Variants in DNAAF11 observed in about 807,000 individuals in gnomAD.
DNAAF11 encodes leucine rich repeat containing 6.
In DNAAF11, 45 loss-of-function variants were observed where a neutral mutation model predicts 60.8. That is an observed-to-expected ratio of 0.74 (90% CI 0.58 to 0.95). The LOEUF is 0.95. Among genes scored for constraint, DNAAF11 ranks in the 40% least tolerant of loss-of-function variants. The pLI, the probability that DNAAF11 is intolerant of heterozygous loss-of-function variation, is 0.00. For synonymous variants in DNAAF11, 191 were observed against 183.5 expected (o/e 1.04, Z -0.33); for missense variants, 546 against 546.2 (o/e 1.00, Z 0.00).
chr8:132,571,999 A>G lies in DNAAF11; in HGVS notation c.*307T>C, dbSNP rs1814239036. ...TAATACTCAGTCCTTTTATCTATGA[A>G]TTAATACTTTGCATAAGTAGACAGT... is the stretch of plus-strand genomic sequence containing the variant. On this transcript the variant is annotated 3_prime_UTR_variant, in exon 12 of 12. Transcript: ENST00000620350. 4.3e-6 allele frequency: 1 copy of G among 234,822 alleles called. No individual in the cohort carries two copies. Among genetic ancestry groups the G allele is most frequent in the African/African-American group, 2.2e-5 (1 of 44,638 alleles). 14.5% of individuals were successfully genotyped at this position (234,822 alleles called of 1,614,324 possible).
At chr8:132,663,703 T>C (rs1824350308) in intron 1 of DNAAF11, among the ~76,000 whole-genome samples, 1 of 152,180 alleles carries the variant, frequency 6.6e-6, no homozygotes, top group Admixed American at 6.6e-5. Context: ...AGCCCAAGTC[T>C]TCCTCTCTAG....
intron 4 of DNAAF11, among the ~76,000 whole-genome samples, chr8:132,633,190 A>G (rs1389631704): frequency 6.6e-6 from 1 of 152,142 alleles, no homozygotes; most frequent in Non-Finnish European, 1.5e-5. Context: ...TAGGTCTGTT[A>G]AAACTGATAA....
intron 11 of DNAAF11, among the ~76,000 whole-genome samples, chr8:132,575,297 G>A (rs993272953): frequency 1.3e-5 from 2 of 152,174 alleles, no homozygotes; most frequent in Non-Finnish European, 2.9e-5. Context: ...TCCATGTAAA[G>A]GACGTAGAGA....
chr8:132,626,488 G>C (rs562380538), intron 5 of DNAAF11, among the ~76,000 whole-genome samples: 1 of 152,214 alleles, frequency 6.6e-6, no homozygotes, highest in Non-Finnish European at 1.5e-5. Flanking sequence ...CAACGTCTCT[G>C]TATGTCATCA....
chr8:132,635,967 C>A (rs1355341263), intron 4 of DNAAF11, among the ~76,000 whole-genome samples: 1 of 151,956 alleles, frequency 6.6e-6, no homozygotes, highest in African/African-American at 2.4e-5. Flanking sequence ...GCAGATTCTC[C>A]CTCGCAGCCC....
At chr8:132,673,272 A>T (rs1489171976) in intron 1 of DNAAF11, among the ~76,000 whole-genome samples, 2 of 152,162 alleles carry the variant, frequency 1.3e-5, no homozygotes, top group African/African-American at 4.8e-5. Flanking sequence ...CCAAAGAAAT[A>T]GAGATGTCAG....
chr8:132,698,206 G>A, the DNAAF11 span, among the ~76,000 whole-genome samples: 17 of 152,138 alleles, frequency 1.1e-4, no homozygotes, highest in African/African-American at 3.4e-4. Context: ...ACTAGAGTAA[G>A]TATGCACAAA....
intron 10 of DNAAF11, among the ~76,000 whole-genome samples, chr8:132,592,963 T>C (rs1264226081): frequency 1.3e-5 from 2 of 151,864 alleles, no homozygotes; most frequent in African/African-American, 4.8e-5. Flanking sequence ...TAAAAGTCCG[T>C]CATATTTAGG....
At chr8:132,690,416 G>A in the DNAAF11 span, among the ~76,000 whole-genome samples, 5 of 152,248 alleles carry the variant, frequency 3.3e-5, no homozygotes, top group African/African-American at 9.6e-5. Flanking sequence ...CTTCCACCAC[G>A]ATTGTAAGTT....
chr8:132,669,093 G>A (rs1824919272), intron 1 of DNAAF11, among the ~76,000 whole-genome samples: 2 of 152,004 alleles, frequency 1.3e-5, no homozygotes, highest in African/African-American at 4.8e-5. Flanking sequence ...GTTTCCTAAG[G>A]CCTTTGTTAG....
In DNAAF11 at chr8:132,572,392, G is replaced by A. The variant is rs150871827; in HGVS notation, c.1315C>T (p.Pro439Ser). 6.2e-7 allele frequency: 1 copy of A among 1,613,848 alleles called. No homozygotes were observed. The highest frequency in any genetic ancestry group is 1.1e-5 in the South Asian group (1 of 91,044). The change falls in exon 12 of 12, where the codon CCC becomes TCC. Residue 439 changes from proline (P) to serine (S), a missense_variant. By Grantham distance (74) the Pro-to-Ser change is moderately conservative (BLOSUM62 -1). Transcript: ENST00000620350. ...TNIVQEKKHT[P>S]RRRPEPKIIP... ...ATTTTGGGTTCAGGTCGTCTTCTGG[G>A]TGTGTGTTTTTTCTCTTGAACTATG...
chr8:132,595,251 T>A lies in DNAAF11; in HGVS notation c.1141-11472A>T, dbSNP rs114079821. 5.4e-3 allele frequency among the ~76,000 whole-genome samples: 807 copies of A among 149,026 alleles called. 16 individuals are homozygous for A. The highest frequency in any genetic ancestry group is 0.019 in the African/African-American group (757 of 39,666). On this transcript the variant is annotated intron_variant, in intron 10 of 11. Coordinates refer to ENST00000620350, the MANE Select transcript of DNAAF11 (RefSeq NM_012472.6). ...GTGGGAACAAGGTTCCAGAAACTTA[T>A]TGGAACCTTCTGTATTCCAGAACCT...
chr8:132,625,349 G>A lies in DNAAF11; in HGVS notation c.759C>T (p.Pro253=), dbSNP rs1370503117. 1 of 1,613,390 alleles carries A rather than the reference G, an allele frequency of 6.2e-7. No homozygotes were observed. The highest frequency in any genetic ancestry group is 8.5e-7 in the Non-Finnish European group (1 of 1,179,538). Residue 253 remains proline, a synonymous_variant, in exon 6 of 12, where the codon CCC becomes CCT. Coordinates refer to ENST00000620350, the MANE Select transcript of DNAAF11 (RefSeq NM_012472.6). ...ATCTTGATTCAGGAGTAAACAAACA[G>A]GGCTTATTCCAGAATTCCAAGTCAT... is the stretch of plus-strand genomic sequence containing the variant. ...SEDDLEFWNK[P]CLFTPESRLE...
intron 1 of DNAAF11, among the ~76,000 whole-genome samples, chr8:132,672,812 G>C (rs1241668301): frequency 6.6e-6 from 1 of 152,182 alleles, no homozygotes; most frequent in Admixed American, 6.5e-5. Flanking sequence ...CGAAAGCCGG[G>C]AAGCTCGTAT....
At chr8:132,575,562 T>A (rs1814657908) in intron 11 of DNAAF11, among the ~76,000 whole-genome samples, 1 of 152,026 alleles carries the variant, frequency 6.6e-6, no homozygotes, top group Non-Finnish European at 1.5e-5. Flanking sequence ...TGGCAAGGGC[T>A]CTGCAAGTAG....
upstream of DNAAF11, among the ~76,000 whole-genome samples, chr8:132,677,136 A>C (rs1020660184): frequency 6.6e-6 from 1 of 152,220 alleles, no homozygotes; most frequent in African/African-American, 2.4e-5. Flanking sequence ...CTGACACGTG[A>C]CACTGAGCAC....
upstream of DNAAF11, among the ~76,000 whole-genome samples, chr8:132,679,679 G>A (rs1013579259): frequency 2.0e-5 from 3 of 152,256 alleles, no homozygotes; most frequent in Admixed American, 6.5e-5. Context: ...AAACCAGGGG[G>A]TGGGTCTTTC....
At position 132,637,238 on chromosome 8, in the gene DNAAF11, AC is replaced by A. The variant is rs1821396246; in HGVS notation, c.429+696del. ...AATCTCAGGCCCCATGTCAGACCTG[AC>A]CCAGAAACCCTGGGGGAGGAGCACA... is the stretch of plus-strand genomic sequence containing the variant. On this transcript the variant is annotated intron_variant, in intron 4 of 11. Transcript: ENST00000620350. Among the ~76,000 whole-genome samples, 4 of 152,168 alleles carry A rather than the reference AC, an allele frequency of 2.6e-5. No homozygotes were observed. The South Asian group carries it at 8.3e-4, about 32-fold the overall frequency.
the DNAAF11 span, among the ~76,000 whole-genome samples, chr8:132,689,039 T>C: frequency 6.1e-4 from 93 of 152,314 alleles, 1 homozygote; most frequent in Admixed American, 9.2e-4. Flanking sequence ...TCTCAGAAAT[T>C]GTTCTTTATT....
Sources: allele counts gnomAD v4.1 joint callset (sites outside exome capture counted in the v4.1 genomes callset), GRCh38; gene constraint gnomAD v4.1.1; transcripts MANE v1.5; gene names NCBI Gene and HGNC (gene_info 2026-07-23, HGNC 2026-07-21).